The following RASSF8 variants were observed in gnomAD, a reference collection of about 807,000 sequenced individuals.
RASSF8 encodes ras association domain-containing protein 8.
Under a neutral mutation model 48.5 loss-of-function variants are expected in RASSF8, and 22 were observed. The ratio of observed to expected loss-of-function variants is 0.45; its 90% CI spans 0.32 to 0.65. The LOEUF (loss-of-function observed/expected upper bound fraction) is 0.65. Ranked by LOEUF, RASSF8 falls within the 30% of genes least tolerant of loss-of-function variation. RASSF8 has a pLI of 0.03. For synonymous variants in RASSF8, 127 were observed against 171.5 expected (o/e 0.74, Z 2.03); for missense variants, 418 against 489.2 (o/e 0.85, Z 1.37).
In RASSF8 at chr12:26,065,062, A is replaced by C. The variant is rs1406430307; in HGVS notation, c.668A>C (p.Glu223Ala). The C allele has an allele frequency of 6.2e-7, 1 of 1,613,916 alleles. No individual in the cohort carries two copies. Among genetic ancestry groups the C allele is most frequent in the Non-Finnish European group, 8.5e-7 (1 of 1,179,850 alleles). The change falls in exon 4 of 6, where the codon GAA (glutamate) becomes GCA (alanine). Residue 223 changes from glutamate (E) to alanine (A), a missense_variant. By Grantham distance (107) the Glu-to-Ala change is moderately radical. Transcript: ENST00000689635. ...IKRNDVEIEEEEFWENELQIE... is the reference protein window; with the variant it reads ...IKRNDVEIEEAEFWENELQIE... ...AGAAACGATGTAGAAATTGAGGAGG[A>C]AGAATTCTGGGAAAATGAATTACAG...
chr12:26,073,783 A>C (rs1944042657), downstream of RASSF8, among the ~76,000 whole-genome samples: 1 of 78,948 alleles, frequency 1.3e-5, no homozygotes, highest in Admixed American at 1.3e-4. Flanking sequence ...ACACATATAT[A>C]TATACACATT....
intron 2 of RASSF8, among the ~76,000 whole-genome samples, chr12:26,023,664 CAAA>C (rs770619205): frequency 3.4e-5 from 5 of 147,456 alleles, no homozygotes; most frequent in Non-Finnish European, 7.5e-5. Flanking sequence ...GCATTAAAAA[CAAA>C]AAAAACAAAA....
Position 26,057,100 on chromosome 12 carries a change from T to TTGTGTGTGTGTGTG in RASSF8, c.103+1667_103+1680dup, listed in dbSNP as rs57510363. 4.0e-3 allele frequency among the ~76,000 whole-genome samples: 511 copies of TTGTGTGTGTGTGTG among 128,954 alleles called. 4 individuals carry two copies. The highest frequency in any genetic ancestry group is 0.012 in the African/African-American group (482 of 39,144). The allele number at this position is 128,954 out of a possible 152,430, so 84.6% of individuals were successfully genotyped here. ...GCTGCATCTGTCCATAATGACACTTTTGTGTGTGTGTGTGTGTGTGTGTGT... is the reference window on the plus strand; with the variant it reads ...GCTGCATCTGTCCATAATGACACTTTTGTGTGTGTGTGTGTGTGTGTGTGTGTGTGTGTGTGTGT... On this transcript the variant is annotated intron_variant, in intron 3 of 5. Transcript: ENST00000689635.
intron 2 of RASSF8, among the ~76,000 whole-genome samples, chr12:26,032,002 A>G (rs1245907973): frequency 6.6e-6 from 1 of 152,192 alleles, no homozygotes; most frequent in African/African-American, 2.4e-5. Context: ...TCAGCAGCTT[A>G]CAGTACATGA....
chr12:26,062,769 T>C (rs1943772973), intron 3 of RASSF8, among the ~76,000 whole-genome samples: 1 of 152,234 alleles, frequency 6.6e-6, no homozygotes, highest in Non-Finnish European at 1.5e-5. Context: ...TCAGCCCTTT[T>C]GTTATAGGAA....
chr12:26,024,904 C>T (rs571931520), intron 2 of RASSF8, among the ~76,000 whole-genome samples: 1 of 152,016 alleles, frequency 6.6e-6, no homozygotes, highest in Non-Finnish European at 1.5e-5. Context: ...TTGCAGTGAG[C>T]CAAGATTGTG....
At chr12:25,978,341 G>A (rs1346803733) in intron 1 of RASSF8, among the ~76,000 whole-genome samples, 2 of 152,166 alleles carry the variant, frequency 1.3e-5, no homozygotes, top group African/African-American at 2.4e-5. Flanking sequence ...GGCCAGCTGC[G>A]TCTAAGAAGA....
In RASSF8 at chr12:26,072,396, G is replaced by T. The variant is rs762742993; in HGVS notation, c.*3578G>T. The T allele has an allele frequency of 7.7e-5, 76 of 983,990 alleles. No homozygotes were observed. Among genetic ancestry groups the T allele is most frequent in the South Asian group, 9.4e-5 (2 of 21,242 alleles). 61.0% of individuals were successfully genotyped at this position (983,990 alleles called of 1,614,324 possible). On this transcript the variant is annotated 3_prime_UTR_variant, in exon 6 of 6. Coordinates refer to ENST00000689635, the MANE Select transcript of RASSF8 (RefSeq NM_001394098.1). ...AGCTTTCGATGCCAGGACAGTGACT[G>T]CCTGAAAGCTGCAGGAGCTCTTTTC...
At chr12:26,013,693 G>T (rs1446259557) in intron 2 of RASSF8, among the ~76,000 whole-genome samples, 3 of 151,740 alleles carry the variant, frequency 2.0e-5, no homozygotes, top group Admixed American at 2.0e-4. Context: ...ATTCAAACTG[G>T]TTATATATCA....
intron 2 of RASSF8, among the ~76,000 whole-genome samples, chr12:25,995,588 G>C (rs373925097): frequency 1.3e-5 from 2 of 152,108 alleles, no homozygotes; most frequent in Non-Finnish European, 2.9e-5. Flanking sequence ...ATCTTGGTAA[G>C]TCTGGAAAAT....
chr12:26,067,521 G>T, intron 4 of RASSF8, 48 bp from the exon 5 acceptor site: 1 of 1,523,676 alleles, frequency 6.6e-7, no homozygotes. Context: ...GTCTTGCACT[G>T]TCCAGTAGTG....
In RASSF8 at chr12:26,035,906, G is replaced by T. The variant is rs190280334; in HGVS notation, c.-108-19330G>T. ...ATTATATATAATTATAATCATATAT[G>T]ATTTCATATATATGATATATATCAT... On this transcript the variant is annotated intron_variant, in intron 2 of 5. Coordinates refer to ENST00000689635, the MANE Select transcript of RASSF8 (RefSeq NM_001394098.1). 3.1e-3 allele frequency among the ~76,000 whole-genome samples: 435 copies of T among 142,174 alleles called. 6 individuals are homozygous for T. The highest frequency in any genetic ancestry group is 0.025 in the Admixed American group (348 of 13,938). The allele number at this position is 142,174 out of a possible 152,430, so 93.3% of individuals were successfully genotyped here. A position where few individuals can be genotyped will look rare whatever the true frequency, so the allele number is the denominator to read the frequency against.
intron 1 of RASSF8, among the ~76,000 whole-genome samples, chr12:25,986,792 G>A (rs1941886555): frequency 6.6e-6 from 1 of 152,020 alleles, no homozygotes; most frequent in Non-Finnish European, 1.5e-5. Flanking sequence ...CTCTTCTTTT[G>A]CTGCCTCTTC....
chr12:26,069,814 A>G lies in RASSF8; in HGVS notation c.*996A>G. Reference sequence around the variant, plus strand: ...CATGGGTAAGGTATTGCTTGCACATAATTTGCTCTGCATATTATGGACCAT... The same window carrying G: ...CATGGGTAAGGTATTGCTTGCACATGATTTGCTCTGCATATTATGGACCAT... On this transcript the variant is annotated 3_prime_UTR_variant, in exon 6 of 6. Coordinates refer to ENST00000689635, the MANE Select transcript of RASSF8 (RefSeq NM_001394098.1). 1.0e-6 allele frequency: 1 copy of G among 985,184 alleles called. No homozygotes were observed. 61.0% of individuals were successfully genotyped at this position (985,184 alleles called of 1,614,324 possible). A position where few individuals can be genotyped will look rare whatever the true frequency, so the allele number is the denominator to read the frequency against.
rs1411891367 is a variant in RASSF8, at chr12:26,069,107, G to A, written c.*289G>A. ...GAGCTTTAGGAAAGTATTATATAGT[G>A]TGTATACATAAATAAGCCGTGACTT... On this transcript the variant is annotated 3_prime_UTR_variant, in exon 6 of 6. Coordinates refer to ENST00000689635, the MANE Select transcript of RASSF8 (RefSeq NM_001394098.1). The A allele has an allele frequency of 3.9e-6, 4 of 1,017,348 alleles. No individual in the cohort carries two copies. The East Asian group carries it at 3.7e-4, about 93-fold the overall frequency. The allele number at this position is 1,017,348 out of a possible 1,614,324, so 63.0% of individuals were successfully genotyped here.
intron 1 of RASSF8, among the ~76,000 whole-genome samples, chr12:25,993,074 C>T (rs370100579): frequency 1.3e-5 from 2 of 152,128 alleles, no homozygotes; most frequent in African/African-American, 2.4e-5. Context: ...GAGCCCAAGC[C>T]CTGACTTTTG....
rs192730640 is a variant in RASSF8, at chr12:25,961,100, C to T, written c.-203+1952C>T. Among the ~76,000 whole-genome samples the T allele has an allele frequency of 1.1e-4, 17 of 152,256 alleles. No individual in the cohort carries two copies. In the East Asian group the frequency reaches 1.9e-3, roughly 17 times the overall value. On this transcript the variant is annotated intron_variant, in intron 1 of 5. Transcript: ENST00000689635. ...GGCTTCTATACGTGGTGACTTACGT[C>T]AGTTTTTGACCTGACTGCCTTGTGT... is the stretch of plus-strand genomic sequence containing the variant.
At position 26,065,249 on chromosome 12, in the gene RASSF8, G is replaced by A; in HGVS notation, c.855G>A (p.Gln285=). 1.2e-6 allele frequency: 2 copies of A among 1,614,146 alleles called. No individual in the cohort carries two copies. The highest frequency in any genetic ancestry group is 1.7e-6 in the Non-Finnish European group (2 of 1,180,014). Residue 285 remains glutamine (Q), a synonymous_variant, in exon 4 of 6, where the codon CAG becomes CAA. Coordinates refer to ENST00000689635, the MANE Select transcript of RASSF8 (RefSeq NM_001394098.1). Reference sequence around the variant, plus strand: ...TGCAACGGGAAGTTCAAGAGGCACAGGTCAATGAGGAAGAGGTTAAAGGAA... The same window carrying A: ...TGCAACGGGAAGTTCAAGAGGCACAAGTCAATGAGGAAGAGGTTAAAGGAA... ...EKLQREVQEA[Q]VNEEEVKGKI... is the part of the protein sequence containing the mutation.
chr12:25,993,587 G>T (rs1287507672), intron 1 of RASSF8, among the ~76,000 whole-genome samples: 1 of 152,174 alleles, frequency 6.6e-6, no homozygotes, highest in Non-Finnish European at 1.5e-5. Context: ...TTCTCACTTG[G>T]TTTTCAATTT....
Sources: gnomAD v4.1 joint callset for allele counts (sites outside exome capture counted in the v4.1 genomes callset) on GRCh38, gnomAD v4.1.1 for gene constraint, MANE v1.5 for transcripts, NCBI Gene and HGNC (gene_info 2026-07-23, HGNC 2026-07-21) for gene names.